The following SAMD5 variants were observed in gnomAD, a reference collection of about 807,000 sequenced individuals.
SAMD5 encodes sterile alpha motif domain containing 5, also known as sterile alpha motif domain-containing protein 5.
Under a neutral mutation model 11.3 loss-of-function variants are expected in SAMD5, and 13 were observed. That is an observed-to-expected ratio of 1.15 (90% CI 0.75 to 1.83). SAMD5 has a LOEUF of 1.83. Ranked by LOEUF, SAMD5 falls within the 40% of genes most tolerant of loss-of-function variation. SAMD5 has a pLI of 0.00. For synonymous variants in SAMD5, 129 were observed against 111.3 expected (o/e 1.16, Z -1.00); for missense variants, 255 against 239.1 (o/e 1.07, Z -0.44).
the SAMD5 span, among the ~76,000 whole-genome samples, chr6:147,797,971 A>G: frequency 1.3e-5 from 2 of 150,896 alleles, no homozygotes; most frequent in African/African-American, 4.9e-5. Flanking sequence ...TTTCTTTATT[A>G]GTCTTGCTAG....
chr6:147,743,502 C>CA, the SAMD5 span, among the ~76,000 whole-genome samples: 4,922 of 119,512 alleles, frequency 0.041, 247 homozygotes, highest in African/African-American at 0.14. Flanking sequence ...GACTCTGTCT[C>CA]AAAAAAAAAA....
At chr6:147,614,131 G>T (rs1431684502) in intron 1 of SAMD5, among the ~76,000 whole-genome samples, 5 of 151,944 alleles carry the variant, frequency 3.3e-5, no homozygotes, top group African/African-American at 9.7e-5. Context: ...GATTTGTGAG[G>T]CAGCGAAGGT....
intron 1 of SAMD5, among the ~76,000 whole-genome samples, chr6:147,664,366 A>G (rs1790687757): frequency 1.3e-5 from 2 of 152,162 alleles, no homozygotes; most frequent in African/African-American, 4.8e-5. Context: ...GCAGAGATAA[A>G]TATACTATAA....
chr6:147,541,212 A>G (rs958551879), intron 1 of SAMD5, among the ~76,000 whole-genome samples: 11 of 152,026 alleles, frequency 7.2e-5, no homozygotes, highest in Admixed American at 2.6e-4. Flanking sequence ...AGTCCCCCAA[A>G]GAGCTGGGAT....
the SAMD5 span, among the ~76,000 whole-genome samples, chr6:147,773,191 G>A: frequency 6.6e-6 from 1 of 152,074 alleles, no homozygotes; most frequent in Non-Finnish European, 1.5e-5. Context: ...GAAATCTTGG[G>A]GTACACATTA....
the SAMD5 span, among the ~76,000 whole-genome samples, chr6:147,766,772 TGTAG>T: frequency 6.6e-6 from 1 of 152,172 alleles, no homozygotes; most frequent in Non-Finnish European, 1.5e-5. Flanking sequence ...ATGACACTTG[TGTAG>T]AGCAATAAGT....
At chr6:147,804,983 C>A in the SAMD5 span, among the ~76,000 whole-genome samples, 2 of 152,320 alleles carry the variant, frequency 1.3e-5, no homozygotes, top group African/African-American at 4.8e-5. Flanking sequence ...TTAAAATCAT[C>A]TTTCCATGAG....
At chr6:147,669,089 C>T (rs1215957034) in intron 1 of SAMD5, among the ~76,000 whole-genome samples, 1 of 152,060 alleles carries the variant, frequency 6.6e-6, no homozygotes, top group Admixed American at 6.6e-5. Context: ...TAAAATAAGA[C>T]AACAATGAAA....
At chr6:147,658,659 G>T (rs1263860352) in intron 1 of SAMD5, among the ~76,000 whole-genome samples, 3 of 148,204 alleles carry the variant, frequency 2.0e-5, no homozygotes, top group Non-Finnish European at 3.0e-5. Flanking sequence ...CTCCTACTGG[G>T]TTTTTTTTTT....
At chr6:147,776,820 C>T in the SAMD5 span, among the ~76,000 whole-genome samples, 557 of 152,310 alleles carry the variant, frequency 3.7e-3, 2 homozygotes, top group Non-Finnish European at 6.4e-3. Flanking sequence ...GGGTTAACGT[C>T]CAAAGGTAAT....
intron 1 of SAMD5, among the ~76,000 whole-genome samples, chr6:147,529,249 CAAAT>C (rs1489924551): frequency 6.6e-6 from 1 of 152,084 alleles, no homozygotes; most frequent in Non-Finnish European, 1.5e-5. Context: ...TTATGTAAAT[CAAAT>C]AAGTTTTCAT....
intron 1 of SAMD5, among the ~76,000 whole-genome samples, chr6:147,588,714 A>T (rs1159946910): frequency 2.0e-5 from 3 of 152,098 alleles, no homozygotes; most frequent in Non-Finnish European, 4.4e-5. Context: ...CTTTTGGAAG[A>T]TCACTACTAT....
chr6:147,697,380 C>T (rs1435632399), intron 1 of SAMD5, among the ~76,000 whole-genome samples: 4 of 152,114 alleles, frequency 2.6e-5, no homozygotes, highest in Non-Finnish European at 4.4e-5. Flanking sequence ...AATGGACTTT[C>T]GTTTATTTAA....
intron 1 of SAMD5, chr6:147,660,801 C>T (rs1790638506): frequency 6.6e-6 from 1 of 152,396 alleles, no homozygotes; most frequent in Middle Eastern, 3.4e-3. Context: ...AGCCATGCTT[C>T]CCGTACAGCT....
chr6:147,523,568 A>C (rs866240421), intron 1 of SAMD5, among the ~76,000 whole-genome samples: 3 of 152,132 alleles, frequency 2.0e-5, no homozygotes. Flanking sequence ...ATTAAGATGC[A>C]CTCCTCTGGG....
chr6:147,526,891 C>T (rs1227545130), intron 1 of SAMD5, among the ~76,000 whole-genome samples: 2 of 152,144 alleles, frequency 1.3e-5, no homozygotes, highest in South Asian at 2.1e-4. Flanking sequence ...GAATTCATTC[C>T]AGAAACTGGG....
chr6:147,565,852 G>A lies in SAMD5; in HGVS notation c.*1396G>A. ...GAAAGAAGCCATGGCAAAAGATGTT[G>A]ACGTACAACTGGCTCCTGAGGCTGT... is the stretch of plus-strand genomic sequence containing the variant. On this transcript the variant is annotated 3_prime_UTR_variant, in exon 2 of 2. Transcript: ENST00000367474. The A allele has an allele frequency of 9.1e-6, 9 of 985,380 alleles. No individual in the cohort carries two copies. Among genetic ancestry groups the A allele is most frequent in the Non-Finnish European group, 1.1e-5 (9 of 829,904 alleles). The allele number at this position is 985,380 out of a possible 1,614,324, so 61.0% of individuals were successfully genotyped here.
chr6:147,643,264 G>A (rs910926585), intron 1 of SAMD5, among the ~76,000 whole-genome samples: 1 of 151,658 alleles, frequency 6.6e-6, no homozygotes, highest in African/African-American at 2.4e-5. Context: ...TTTTTTTTAT[G>A]GGCTTCAGTG....
At chr6:147,658,523 G>T (rs1014649718) in intron 1 of SAMD5, among the ~76,000 whole-genome samples, 6 of 152,096 alleles carry the variant, frequency 3.9e-5, no homozygotes, top group African/African-American at 1.2e-4. Context: ...GCAAACCTTA[G>T]TGAGAAAGAG....
Sources: allele counts gnomAD v4.1 joint callset (sites outside exome capture counted in the v4.1 genomes callset), GRCh38; gene constraint gnomAD v4.1.1; transcripts MANE v1.5; gene names NCBI Gene and HGNC (gene_info 2026-07-23, HGNC 2026-07-21).